Variants in CDCA2 observed in about 807,000 individuals in gnomAD.
CDCA2 encodes the protein cell division cycle-associated protein 2.
Under a neutral mutation model 67.0 loss-of-function variants are expected in CDCA2, and 44 were observed. The ratio of observed to expected loss-of-function variants is 0.66; its 90% CI spans 0.52 to 0.84. The LOEUF is 0.84. CDCA2 is among the 40% of genes least tolerant of loss of function. The pLI, the probability that CDCA2 is intolerant of heterozygous loss-of-function variation, is 0.00. For synonymous variants in CDCA2, 447 were observed against 418.7 expected (o/e 1.07, Z -0.82); for missense variants, 1,253 against 1,203.2 (o/e 1.04, Z -0.61).
intron 4 of CDCA2, among the ~76,000 whole-genome samples, chr8:25,463,405 A>G (rs1296177819): frequency 6.6e-6 from 1 of 152,244 alleles, no homozygotes; most frequent in Non-Finnish European, 1.5e-5. Flanking sequence ...ATATAACATC[A>G]TAAAACAATG....
chr8:25,504,494 A>G (rs1216564983), intron 14 of CDCA2, among the ~76,000 whole-genome samples: 2 of 152,078 alleles, frequency 1.3e-5, no homozygotes, highest in Admixed American at 6.5e-5. Context: ...TCAAATGGCT[A>G]CCTTTGTCAA....
At chr8:25,497,042 T>G (rs1352159621) in intron 13 of CDCA2, among the ~76,000 whole-genome samples, 1 of 151,282 alleles carries the variant, frequency 6.6e-6, no homozygotes. Context: ...TTTGGGGAGC[T>G]GGTAAACTCT....
At chr8:25,468,564 T>TGCGCGTGC in intron 6 of CDCA2, 151 bp downstream of exon 6, 2 of 447,276 alleles carry the variant, frequency 4.5e-6, no homozygotes, top group East Asian at 3.6e-5. Context: ...TGTGCGTGTG[T>TGCGCGTGC]GTGTGTGTGT....
chr8:25,463,383 G>A lies in CDCA2; in HGVS notation c.387+1175G>A, dbSNP rs184784260. On this transcript the variant is annotated intron_variant, in intron 4 of 14. Transcript: ENST00000330560. ...GGAGCCGAAAAATTTCTAAGGCCTG[G>A]TGATGTAGCTCATATAACATCATAA... Among the ~76,000 whole-genome samples, 37 of 152,240 alleles carry A rather than the reference G, an allele frequency of 2.4e-4. No individual in the cohort carries two copies. The East Asian group carries it at 6.0e-3, about 25-fold the overall frequency.
chr8:25,496,995 T>C (rs1439035239), intron 13 of CDCA2, among the ~76,000 whole-genome samples: 3 of 152,152 alleles, frequency 2.0e-5, no homozygotes, highest in Admixed American at 1.3e-4. Context: ...ATGTTACATA[T>C]TATTTAGAAA....
intron 4 of CDCA2, 117 bp from the exon 5 acceptor site, chr8:25,466,058 T>A (rs1802887596): frequency 1.2e-6 from 1 of 862,862 alleles, no homozygotes; most frequent in Admixed American, 3.3e-5. Flanking sequence ...TCCTTACCGC[T>A]GATCTTCAAA....
chr8:25,477,418 A>G (rs989388305), intron 7 of CDCA2, among the ~76,000 whole-genome samples: 2 of 152,110 alleles, frequency 1.3e-5, no homozygotes, highest in Non-Finnish European at 2.9e-5. Flanking sequence ...TTGTCTCTAT[A>G]TACAGGTTGA....
intron 13 of CDCA2, among the ~76,000 whole-genome samples, chr8:25,496,098 A>G (rs1359172274): frequency 6.6e-6 from 1 of 152,110 alleles, no homozygotes; most frequent in Non-Finnish European, 1.5e-5. Flanking sequence ...ACAACAACAA[A>G]TTTAATAAGT....
Position 25,500,196 on chromosome 8 carries a change from T to C in CDCA2, c.1672-3177T>C, listed in dbSNP as rs10109104. The stretch of plus-strand genomic sequence containing the variant: ...TATTTGTGGAGTAGCCACTGTGTGC[T>C]TGGCACTGTTGTAGATCCAGGGACA... On this transcript the variant is annotated intron_variant, in intron 13 of 14. Coordinates refer to ENST00000330560, the MANE Select transcript of CDCA2 (RefSeq NM_152562.4). Among the ~76,000 whole-genome samples, 323 of 152,214 alleles carry C rather than the reference T, an allele frequency of 2.1e-3. 1 individual carries two copies. The highest frequency in any genetic ancestry group is 7.6e-3 in the African/African-American group (317 of 41,524).
At chr8:25,504,795 C>G (rs570826019) in intron 14 of CDCA2, among the ~76,000 whole-genome samples, 2 of 152,266 alleles carry the variant, frequency 1.3e-5, no homozygotes, top group African/African-American at 4.8e-5. Flanking sequence ...GCTGTATTGT[C>G]TGTTTTTCCA....
intron 7 of CDCA2, 104 bp downstream of exon 7, chr8:25,470,084 C>A: frequency 1.4e-6 from 1 of 722,242 alleles, no homozygotes. Flanking sequence ...TTGTTTCCTA[C>A]TTTTTAGGAG....
chr8:25,487,326 A>G lies in CDCA2; in HGVS notation c.1525A>G (p.Arg509Gly). ...KVGRITRTSN[R>G]RNQLVSVVEE... ...TGGTAGAATAACAAGGACTTCTAAC[A>G]GAAGAAATGTAAGTGTTTGTGTTTG... The change falls in exon 12 of 15, where the codon AGA becomes GGA. Residue 509 changes from arginine (R) to glycine (G), a missense_variant. By Grantham distance (125) the Arg-to-Gly change is moderately radical. Coordinates refer to ENST00000330560, the MANE Select transcript of CDCA2 (RefSeq NM_152562.4). The G allele has an allele frequency of 6.3e-7, 1 of 1,592,896 alleles. No individual in the cohort carries two copies. Among genetic ancestry groups the G allele is most frequent in the East Asian group, 2.2e-5 (1 of 44,670 alleles).
At chr8:25,495,432 T>C (rs566651653) in intron 13 of CDCA2, among the ~76,000 whole-genome samples, 10 of 151,666 alleles carry the variant, frequency 6.6e-5, no homozygotes, top group African/African-American at 2.4e-4. Context: ...TTTTTTTTTT[T>C]GAGATGGAGT....
chr8:25,503,855 C>G (rs761796271), intron 14 of CDCA2, among the ~76,000 whole-genome samples: 4 of 152,060 alleles, frequency 2.6e-5, no homozygotes, highest in Non-Finnish European at 2.9e-5. Flanking sequence ...TTTTTTAAAG[C>G]ATTTTGTGAA....
chr8:25,481,041 G>A (rs918688190), intron 8 of CDCA2, among the ~76,000 whole-genome samples: 6 of 152,066 alleles, frequency 3.9e-5, no homozygotes, highest in African/African-American at 1.4e-4. Context: ...TTGTTCTGAA[G>A]CCAAAAGGAA....
chr8:25,461,048 A>G (rs1013540112), intron 3 of CDCA2, among the ~76,000 whole-genome samples: 1 of 152,106 alleles, frequency 6.6e-6, no homozygotes, highest in African/African-American at 2.4e-5. Context: ...CAGGCAGATC[A>G]CCGGAGGTCA....
intron 4 of CDCA2, among the ~76,000 whole-genome samples, chr8:25,464,064 A>G (rs143360284): frequency 9.6e-4 from 146 of 152,314 alleles, no homozygotes; most frequent in African/African-American, 3.4e-3. Context: ...TTTCTTCTCA[A>G]TAGCACCTCT....
rs772427799 is a variant in CDCA2, at chr8:25,462,034, A to G, written c.233-20A>G. 2 of 1,608,614 alleles carry G rather than the reference A, an allele frequency of 1.2e-6. No homozygotes were observed. Among genetic ancestry groups the G allele is most frequent in the African/African-American group, 2.7e-5 (2 of 74,780 alleles). On this transcript the variant is annotated intron_variant, in intron 3 of 14. Transcript: ENST00000330560. ...TGATTGCCTTGTTTTGTTCCAATTTATAAGAGAGTTTCATTACAGGAAAGT... is the reference window on the plus strand; with the variant it reads ...TGATTGCCTTGTTTTGTTCCAATTTGTAAGAGAGTTTCATTACAGGAAAGT...
intron 7 of CDCA2, among the ~76,000 whole-genome samples, chr8:25,473,348 CTG>C (rs1221549301): frequency 6.6e-6 from 1 of 152,188 alleles, no homozygotes; most frequent in African/African-American, 2.4e-5. Context: ...TGTTCCTAGT[CTG>C]AGAATTTTTA....
Sources: allele counts gnomAD v4.1 joint callset (sites outside exome capture counted in the v4.1 genomes callset), GRCh38; gene constraint gnomAD v4.1.1; transcripts MANE v1.5; gene names NCBI Gene and HGNC (gene_info 2026-07-23, HGNC 2026-07-21).